DYNLL1: variants seen among roughly 807,000 people sequenced by gnomAD.
The protein encoded by DYNLL1 is dynein light chain 1, cytoplasmic.
Under a neutral mutation model 10.1 loss-of-function variants are expected in DYNLL1, and 3 were observed. That is an observed-to-expected ratio of 0.30 (90% CI 0.14 to 0.77). DYNLL1 has a LOEUF of 0.77. Among genes scored for constraint, DYNLL1 ranks in the 30% least tolerant of loss-of-function variants. The pLI, the probability that DYNLL1 is intolerant of heterozygous loss-of-function variation, is 0.66. For synonymous variants in DYNLL1, 46 were observed against 41.2 expected, an observed-to-expected ratio of 1.12 and a Z score of -0.45; for missense variants, 47 against 111.7, an observed-to-expected ratio of 0.42 and a Z score of 2.61.
At chr12:120,477,399 G>T (rs1218552180) in intron 1 of DYNLL1, among the ~76,000 whole-genome samples, 1 of 152,104 alleles carries the variant, frequency 6.6e-6, no homozygotes, top group Non-Finnish European at 1.5e-5. Context: ...GCCTGGCTCT[G>T]TGCTGGGCAC....
At chr12:120,479,512 A>G (rs1732910246) in intron 1 of DYNLL1, among the ~76,000 whole-genome samples, 1 of 151,426 alleles carries the variant, frequency 6.6e-6, no homozygotes, top group African/African-American at 2.4e-5. Flanking sequence ...AAAGGCAATT[A>G]TAACAAAATG....
At chr12:120,480,764 CTT>C (rs770507117) in intron 1 of DYNLL1, among the ~76,000 whole-genome samples, 22 of 141,372 alleles carry the variant, frequency 1.6e-4, no homozygotes, top group Admixed American at 1.4e-4. Context: ...AAGCATTTTT[CTT>C]TTTTTTTTTT....
intron 2 of DYNLL1, 135 bp from the exon 3 acceptor site, chr12:120,497,938 G>C (rs970990010): frequency 1.2e-6 from 1 of 863,878 alleles, no homozygotes; most frequent in South Asian, 1.8e-5. Context: ...TGGAGCTGGG[G>C]AACATTCTTT....
At chr12:120,496,882 G>T in intron 2 of DYNLL1, 1 of 468,276 alleles carries the variant, frequency 2.1e-6, no homozygotes, top group Non-Finnish European at 3.8e-6. Context: ...CCGGAGGGGG[G>T]AGCTGCGTGG....
intron 1 of DYNLL1, among the ~76,000 whole-genome samples, chr12:120,480,124 C>A (rs1289992475): frequency 6.6e-6 from 1 of 151,998 alleles, no homozygotes; most frequent in Non-Finnish European, 1.5e-5. Flanking sequence ...AATCATCCCT[C>A]CTTGTGTGAG....
chr12:120,483,981 G>A (rs1328063148), intron 1 of DYNLL1, among the ~76,000 whole-genome samples: 2 of 152,046 alleles, frequency 1.3e-5, no homozygotes, highest in Non-Finnish European at 2.9e-5. Context: ...GTGTTTAGCA[G>A]CATGGTGGTC....
chr12:120,482,468 G>A (rs757059625), intron 1 of DYNLL1, among the ~76,000 whole-genome samples: 5 of 151,938 alleles, frequency 3.3e-5, no homozygotes, highest in African/African-American at 9.7e-5. Flanking sequence ...GACTACAGGC[G>A]CCTGCCACCG....
chr12:120,478,392 C>T (rs1468788125), intron 1 of DYNLL1, among the ~76,000 whole-genome samples: 1 of 150,412 alleles, frequency 6.6e-6, no homozygotes, highest in Non-Finnish European at 1.5e-5. Flanking sequence ...CAGGCATGAG[C>T]CACCATGCCT....
chr12:120,478,035 A>G (rs1319981765), intron 1 of DYNLL1, among the ~76,000 whole-genome samples: 1 of 150,344 alleles, frequency 6.7e-6, no homozygotes, highest in African/African-American at 2.5e-5. Context: ...CAGGTGATCC[A>G]CCCATGTCGG....
At chr12:120,495,708 T>TGGGGGGGGGGGGGGGGGGGGGGGG (rs1879250742), upstream of DYNLL1, 1 of 49,360 alleles carries the variant, frequency 2.0e-5, no homozygotes, top group African/African-American at 7.5e-5. Context: ...GGCGGGGGGG[T>TGGGGGGGGGGGGGGGGGGGGGGGG]GGGGGCAGGA....
At position 120,496,439 on chromosome 12, in the gene DYNLL1, C is replaced by G. The variant is rs1051105556; in HGVS notation, c.18C>G (p.Ala6=). ...AGGTAACCATGTGCGACCGAAAGGC[C>G]GTGATCAAAAATGCGGACATGTCGG... MCDRK[A]VIKNADMSEE... The change falls in exon 2 of 3, where the codon GCC becomes GCG. Residue 6 remains alanine, a synonymous_variant. Transcript: ENST00000242577. 2 of 1,613,848 alleles carry G rather than the reference C, an allele frequency of 1.2e-6. No homozygotes were observed. Among genetic ancestry groups the G allele is most frequent in the Admixed American group, 1.7e-5 (1 of 59,998 alleles).
At chr12:120,479,465 A>ATAATAATAAT (rs1481700249) in intron 1 of DYNLL1, among the ~76,000 whole-genome samples, 56 of 125,044 alleles carry the variant, frequency 4.5e-4, no homozygotes, top group African/African-American at 1.5e-3. Context: ...AAAAAAAAAA[A>ATAATAATAAT]AAAAATAATA....
intron 1 of DYNLL1, among the ~76,000 whole-genome samples, chr12:120,482,798 G>C (rs1254233659): frequency 6.6e-6 from 1 of 152,176 alleles, no homozygotes; most frequent in Non-Finnish European, 1.5e-5. Flanking sequence ...ACATAGAGCA[G>C]TGAGACAGAA....
Position 120,477,791 on chromosome 12 carries a change from A to C in DYNLL1, c.-7+7687A>C, listed in dbSNP as rs373788710. 3.3e-5 allele frequency among the ~76,000 whole-genome samples: 5 copies of C among 151,284 alleles called. No homozygotes were observed. The East Asian group carries it at 7.7e-4, about 23-fold the overall frequency. ...CCCCGTCTCTGAAAAATAAAGTAAAAATATATATATATTTTTTTTTCTGAG... is the reference window on the plus strand; with the variant it reads ...CCCCGTCTCTGAAAAATAAAGTAAACATATATATATATTTTTTTTTCTGAG... On this transcript the variant is annotated intron_variant, in intron 1 of 2. Coordinates refer to the DYNLL1 transcript ENST00000392509.
rs542440314 is a variant in DYNLL1 at position 120,484,863 on chromosome 12, C to A, written c.-6-11553C>A. Reference sequence around the variant, plus strand: ...GGTTCAAGCGATTCTCCTGCCTCAGCCTCCTAAGTAGCCTACAGGCACGCA... The same window carrying A: ...GGTTCAAGCGATTCTCCTGCCTCAGACTCCTAAGTAGCCTACAGGCACGCA... On this transcript the variant is annotated intron_variant, in intron 1 of 2. Coordinates refer to the DYNLL1 transcript ENST00000392509. 2.0e-5 allele frequency among the ~76,000 whole-genome samples: 3 copies of A among 152,144 alleles called. No individual in the cohort carries two copies. The South Asian group carries it at 6.2e-4, about 32-fold the overall frequency.
At chr12:120,496,287 C>T in intron 1 of DYNLL1, 71 bp downstream of exon 1, 1 of 1,379,314 alleles carries the variant, frequency 7.2e-7, no homozygotes, top group Non-Finnish European at 9.9e-7. Flanking sequence ...TAGCCCTCCG[C>T]GTAGCCCGCG....
intron 1 of DYNLL1, among the ~76,000 whole-genome samples, chr12:120,477,966 A>G (rs1878793425): frequency 6.9e-6 from 1 of 144,316 alleles, no homozygotes; most frequent in Admixed American, 7.0e-5. Flanking sequence ...TTTTTTTTGT[A>G]TTTTTAGTAG....
intron 1 of DYNLL1, 30 bp from the exon 2 acceptor site, chr12:120,496,386 C>A: frequency 6.2e-7 from 1 of 1,613,252 alleles, no homozygotes; most frequent in Non-Finnish European, 8.5e-7. Flanking sequence ...CGGCCCAACT[C>A]AACCCCTTAC....
Position 120,496,180 on chromosome 12 carries a change from A to C in DYNLL1, c.-43A>C. On this transcript the variant is annotated 5_prime_UTR_variant, in exon 1 of 3. Transcript: ENST00000242577. ...CCTGAGCTGTGCTAGCACCTCCCCC[A>C]GGAGACCGTTGCAGTCGGCCAGCCC... The C allele has an allele frequency of 1.6e-6, 1 of 616,944 alleles. No individual in the cohort carries two copies. Among genetic ancestry groups the C allele is most frequent in the South Asian group, 2.0e-5 (1 of 51,196 alleles). The allele number at this position is 616,944 out of a possible 1,614,324, so 38.2% of individuals were successfully genotyped here.
Sources: allele counts gnomAD v4.1 joint callset (sites outside exome capture counted in the v4.1 genomes callset), GRCh38; gene constraint gnomAD v4.1.1; transcripts MANE v1.5; gene names NCBI Gene and HGNC (gene_info 2026-07-23, HGNC 2026-07-21).